Variants in PPP2R3A observed in about 807,000 individuals in gnomAD.
The protein encoded by PPP2R3A is protein phosphatase 2 regulatory subunit B''alpha.
A neutral mutation model predicts 106.9 loss-of-function variants in PPP2R3A; 80 were observed. The observed-to-expected ratio is 0.75, with a 90% CI of 0.62 to 0.90. The LOEUF (loss-of-function observed/expected upper bound fraction) is 0.90. Ranked by LOEUF, PPP2R3A falls within the 40% of genes least tolerant of loss-of-function variation. PPP2R3A has a pLI of 0.00. For missense variants in PPP2R3A, 1,386 were observed against 1,350.4 expected, an observed-to-expected ratio of 1.03 and a Z score of -0.41; for synonymous variants, 483 against 468.3, an observed-to-expected ratio of 1.03 and a Z score of -0.41.
intron 13 of PPP2R3A, chr3:136,106,568 A>C (rs2107974614): frequency 2.1e-6 from 1 of 487,392 alleles, no homozygotes; most frequent in Non-Finnish European, 3.7e-6. Flanking sequence ...ATCACTGAAC[A>C]ATCAAACTAC....
At chr3:136,027,392 T>G (rs931334815) in intron 3 of PPP2R3A, among the ~76,000 whole-genome samples, 3 of 152,102 alleles carry the variant, frequency 2.0e-5, no homozygotes, top group Admixed American at 2.0e-4. Flanking sequence ...AATACTTGTT[T>G]GTTAGAAAAT....
intron 2 of PPP2R3A, among the ~76,000 whole-genome samples, chr3:136,006,987 G>A (rs1209104890): frequency 6.6e-6 from 1 of 152,184 alleles, no homozygotes; most frequent in East Asian, 1.9e-4. Flanking sequence ...AAGCCTACCT[G>A]TCCTTCAGGT....
chr3:136,143,707 CT>C (rs1938975231), intron 13 of PPP2R3A, among the ~76,000 whole-genome samples: 1 of 152,162 alleles, frequency 6.6e-6, no homozygotes. Context: ...AGGAGAATCA[CT>C]TGAACTTGGG....
At chr3:136,015,985 T>C (rs1934253678) in intron 2 of PPP2R3A, among the ~76,000 whole-genome samples, 1 of 152,186 alleles carries the variant, frequency 6.6e-6, no homozygotes, top group Admixed American at 6.5e-5. Context: ...GCACCACTTT[T>C]GCTGTATCCC....
intron 13 of PPP2R3A, among the ~76,000 whole-genome samples, chr3:136,128,078 A>G (rs552258621): frequency 2.0e-5 from 3 of 152,326 alleles, no homozygotes; most frequent in South Asian, 2.1e-4. Flanking sequence ...TTTAAAGACC[A>G]TCGATGCTAT....
At chr3:136,066,926 T>G (rs892752288) in intron 5 of PPP2R3A, among the ~76,000 whole-genome samples, 6 of 152,200 alleles carry the variant, frequency 3.9e-5, no homozygotes, top group African/African-American at 1.4e-4. Context: ...AATTTCTCTG[T>G]ATTTTAGATA....
chr3:136,111,118 A>G (rs964073861), intron 13 of PPP2R3A, among the ~76,000 whole-genome samples: 1 of 152,224 alleles, frequency 6.6e-6, no homozygotes, highest in Non-Finnish European at 1.5e-5. Flanking sequence ...AAGAAGGTAA[A>G]TGGATCCTAG....
chr3:136,055,771 T>A (rs1935840369), intron 5 of PPP2R3A: 3 of 624,650 alleles, frequency 4.8e-6, no homozygotes, highest in East Asian at 2.6e-5. Context: ...GAGAATTTTT[T>A]AAAAACAAAT....
At chr3:136,030,778 A>ATATATATGTATG (rs1206335696) in intron 3 of PPP2R3A, among the ~76,000 whole-genome samples, 17 of 111,306 alleles carry the variant, frequency 1.5e-4, no homozygotes, top group South Asian at 9.0e-4. Context: ...ATATATATAT[A>ATATATATGTATG]TATGTATGTA....
At chr3:136,057,609 A>G (rs956856527) in intron 5 of PPP2R3A, among the ~76,000 whole-genome samples, 1 of 152,208 alleles carries the variant, frequency 6.6e-6, no homozygotes, top group Admixed American at 6.5e-5. Context: ...TTTTATATTT[A>G]TATTTTACCT....
intron 2 of PPP2R3A, among the ~76,000 whole-genome samples, chr3:136,004,621 C>T (rs922359885): frequency 2.6e-5 from 4 of 152,042 alleles, no homozygotes; most frequent in African/African-American, 9.7e-5. Flanking sequence ...AAAGCCAAAT[C>T]GACAAAAGCA....
At chr3:136,085,698 T>A (rs952124777) in intron 8 of PPP2R3A, among the ~76,000 whole-genome samples, 1 of 152,246 alleles carries the variant, frequency 6.6e-6, no homozygotes, top group Non-Finnish European at 1.5e-5. Flanking sequence ...ATACTTTAGC[T>A]TATTAGATAT....
chr3:136,123,619 C>A (rs1361432920), intron 13 of PPP2R3A, among the ~76,000 whole-genome samples: 2 of 152,052 alleles, frequency 1.3e-5, no homozygotes, highest in Admixed American at 6.6e-5. Context: ...TAAATATTGT[C>A]CAGTTCAAAA....
chr3:136,113,517 G>A (rs182050098), intron 13 of PPP2R3A, among the ~76,000 whole-genome samples: 75 of 152,266 alleles, frequency 4.9e-4, no homozygotes, highest in Non-Finnish European at 3.2e-4. Flanking sequence ...GGCTGGCCAT[G>A]GTGACTCATG....
Position 136,064,773 on chromosome 3 carries a change from C to A in PPP2R3A, c.2470-5705C>A, listed in dbSNP as rs183115366. Among the ~76,000 whole-genome samples, 102 of 152,266 alleles carry A rather than the reference C, an allele frequency of 6.7e-4. 1 individual carries two copies. Among genetic ancestry groups the A allele is most frequent in the Non-Finnish European group, 1.0e-4 (7 of 68,024 alleles). On this transcript the variant is annotated intron_variant, in intron 5 of 13. Coordinates refer to ENST00000264977, the MANE Select transcript of PPP2R3A (RefSeq NM_002718.5). The stretch of plus-strand genomic sequence containing the variant: ...TAACCTCAATGTCAGAAACAATCTC[C>A]TTTGAACATTCCAAGACCCTGATGC...
At chr3:135,985,706 G>A (rs1283364791) in intron 1 of PPP2R3A, among the ~76,000 whole-genome samples, 2 of 152,166 alleles carry the variant, frequency 1.3e-5, no homozygotes, top group African/African-American at 4.8e-5. Context: ...ACTCTTAGAT[G>A]TTCTAAAGGC....
At chr3:136,140,128 G>T (rs1248984163) in intron 13 of PPP2R3A, among the ~76,000 whole-genome samples, 2 of 151,974 alleles carry the variant, frequency 1.3e-5, no homozygotes, top group Non-Finnish European at 2.9e-5. Flanking sequence ...AAAATGGCCA[G>T]TTAACAGAAA....
intron 6 of PPP2R3A, among the ~76,000 whole-genome samples, chr3:136,075,166 A>T (rs1936555133): frequency 6.6e-6 from 1 of 152,214 alleles, no homozygotes; most frequent in Non-Finnish European, 1.5e-5. Context: ...AATTCAATAG[A>T]TACCAAGAAG....
chr3:136,140,279 T>TAACA (rs936544292), intron 13 of PPP2R3A, among the ~76,000 whole-genome samples: 6 of 152,060 alleles, frequency 3.9e-5, no homozygotes, highest in South Asian at 2.1e-4. Flanking sequence ...ATTAAGGTTC[T>TAACA]AACAGATCTG....
Sources: allele counts gnomAD v4.1 joint callset (sites outside exome capture counted in the v4.1 genomes callset), GRCh38; gene constraint gnomAD v4.1.1; transcripts MANE v1.5; gene names NCBI Gene and HGNC (gene_info 2026-07-23, HGNC 2026-07-21).